Variants in GOLIM4 observed in about 807,000 individuals in gnomAD.
The protein encoded by GOLIM4 is golgi integral membrane protein 4.
A neutral mutation model predicts 107.4 loss-of-function variants in GOLIM4; 71 were observed. The observed-to-expected ratio is 0.66, with a 90% confidence interval of 0.55 to 0.81. The LOEUF is 0.81. Ranked by LOEUF, GOLIM4 falls within the 30% of genes least tolerant of loss-of-function variation. The pLI is 0.00. For synonymous variants in GOLIM4, 327 were observed against 294.8 expected (o/e 1.11, Z -1.12); for missense variants, 830 against 826.1 (o/e 1.00, Z -0.06).
chr3:168,079,662 T>A (rs1252476552), intron 1 of GOLIM4, among the ~76,000 whole-genome samples: 1 of 152,186 alleles, frequency 6.6e-6, no homozygotes, highest in Non-Finnish European at 1.5e-5. Context: ...AGGGTTTTAA[T>A]CTTTTTATCT....
At chr3:168,032,468 A>T in intron 9 of GOLIM4, 52 bp downstream of exon 9, 1 of 1,292,364 alleles carries the variant, frequency 7.7e-7, no homozygotes, top group Non-Finnish European at 1.1e-6. Flanking sequence ...TGTAAAAATA[A>T]AGCCAGGTTT....
intron 9 of GOLIM4, among the ~76,000 whole-genome samples, chr3:168,031,600 G>A (rs2108229984): frequency 6.6e-6 from 1 of 152,320 alleles, no homozygotes; most frequent in East Asian, 1.9e-4. Flanking sequence ...AGTAAAGCTG[G>A]TGGGGAATTA....
intron 1 of GOLIM4, among the ~76,000 whole-genome samples, chr3:168,057,866 T>C (rs898883337): frequency 2.6e-5 from 4 of 152,190 alleles, no homozygotes; most frequent in Admixed American, 2.0e-4. Flanking sequence ...TGTTCAATGA[T>C]TGAATGCACT....
At chr3:168,071,231 A>G (rs1186521278) in intron 1 of GOLIM4, among the ~76,000 whole-genome samples, 2 of 152,176 alleles carry the variant, frequency 1.3e-5, no homozygotes, top group African/African-American at 2.4e-5. Flanking sequence ...GAGTCAACAG[A>G]TTTGCATTCA....
At chr3:168,060,358 A>G (rs1720194381) in intron 1 of GOLIM4, among the ~76,000 whole-genome samples, 1 of 152,228 alleles carries the variant, frequency 6.6e-6, no homozygotes. Context: ...TAATGGAAGA[A>G]GAGGACCAGT....
chr3:168,038,496 T>A (rs137914962), intron 7 of GOLIM4, among the ~76,000 whole-genome samples: 128 of 152,292 alleles, frequency 8.4e-4, no homozygotes, highest in African/African-American at 3.0e-3. Flanking sequence ...TAAGCGTGAT[T>A]TCAAAGTCAG....
chr3:168,095,413 A>C lies in GOLIM4; in HGVS notation c.-128T>G. ...CATGAGGAGGAGATGCCAGACACAA[A>C]AGCCGGCCCGGAGGGGAAGTGGCGC... On this transcript the variant is annotated 5_prime_UTR_variant, in exon 1 of 16. Coordinates refer to ENST00000470487, the MANE Select transcript of GOLIM4 (RefSeq NM_014498.5). 34 of 715,440 alleles carry C rather than the reference A, an allele frequency of 4.8e-5. No individual in the cohort carries two copies. Among genetic ancestry groups the C allele is most frequent in the Middle Eastern group, 4.0e-4 (1 of 2,514 alleles). The allele number at this position is 715,440 out of a possible 1,614,324, so 44.3% of individuals were successfully genotyped here.
intron 12 of GOLIM4, among the ~76,000 whole-genome samples, chr3:168,026,923 G>A (rs775029198): frequency 2.6e-5 from 4 of 152,172 alleles, no homozygotes; most frequent in Non-Finnish European, 5.9e-5. Context: ...TTTTAATCAG[G>A]GCTCATGTGA....
intron 7 of GOLIM4, among the ~76,000 whole-genome samples, chr3:168,039,725 T>C (rs765755218): frequency 9.8e-4 from 150 of 152,346 alleles, no homozygotes; most frequent in Middle Eastern, 3.4e-3. Flanking sequence ...CACAGAGCAC[T>C]CAAATCAGTT....
At chr3:168,063,113 C>T (rs1720356398) in intron 1 of GOLIM4, among the ~76,000 whole-genome samples, 1 of 152,162 alleles carries the variant, frequency 6.6e-6, no homozygotes, top group African/African-American at 2.4e-5. Flanking sequence ...CCCCTGCCCA[C>T]CCACCACTGC....
chr3:168,072,689 T>C (rs1483125153), intron 1 of GOLIM4, among the ~76,000 whole-genome samples: 1 of 152,218 alleles, frequency 6.6e-6, no homozygotes, highest in Non-Finnish European at 1.5e-5. Context: ...TTTTTATATA[T>C]AATTTTATCC....
intron 14 of GOLIM4, among the ~76,000 whole-genome samples, chr3:168,015,278 C>T (rs992451805): frequency 1.4e-5 from 2 of 143,936 alleles, no homozygotes; most frequent in African/African-American, 5.7e-5. Context: ...CATGAGTGAA[C>T]TCCCATTCAC....
rs373465776 is a variant in GOLIM4 at position 168,010,242 on chromosome 3, T to G, written c.*27A>C. On this transcript the variant is annotated 3_prime_UTR_variant, in exon 16 of 16. Coordinates refer to ENST00000470487, the MANE Select transcript of GOLIM4 (RefSeq NM_014498.5). ...AGCAGCTTGAAAAGAATCCGTTGGC[T>G]GAGCGTTGTCTAGAAATTGGGTGCC... 3 of 1,601,168 alleles carry G rather than the reference T, an allele frequency of 1.9e-6. No homozygotes were observed. The Admixed American group carries it at 5.2e-5, about 28-fold the overall frequency.
intron 1 of GOLIM4, among the ~76,000 whole-genome samples, chr3:168,055,801 CAA>C (rs35124035): frequency 7.7e-5 from 8 of 104,014 alleles, no homozygotes; most frequent in East Asian, 4.0e-4. Context: ...GACTCTGTCT[CAA>C]AAAAAAAAAA....
At chr3:168,080,010 A>G (rs2108287618) in intron 1 of GOLIM4, among the ~76,000 whole-genome samples, 1 of 152,308 alleles carries the variant, frequency 6.6e-6, no homozygotes, top group South Asian at 2.1e-4. Flanking sequence ...CATGATGCTA[A>G]ATTTTCCTTT....
In GOLIM4 at chr3:168,044,982, G is replaced by A. The variant is rs541938932; in HGVS notation, c.313-101C>T. The A allele has an allele frequency of 6.3e-6, 4 of 638,518 alleles. No homozygotes were observed. In the East Asian group the frequency reaches 9.0e-5, roughly 14 times the overall value. The allele number at this position is 638,518 out of a possible 1,614,324, so 39.6% of individuals were successfully genotyped here. On this transcript the variant is annotated intron_variant, in intron 3 of 15. Coordinates refer to ENST00000470487, the MANE Select transcript of GOLIM4 (RefSeq NM_014498.5). ...AAATATAACTTTATTTATTTCACTT[G>A]TGTACAGTAAAATGAATTCTACATT... is the stretch of plus-strand genomic sequence containing the variant.
chr3:168,089,200 C>T (rs1721774899), intron 1 of GOLIM4, among the ~76,000 whole-genome samples: 1 of 152,196 alleles, frequency 6.6e-6, no homozygotes. Context: ...GTTCCATATT[C>T]TAAATGGTAC....
intron 8 of GOLIM4, among the ~76,000 whole-genome samples, chr3:168,035,900 C>T (rs1437418550): frequency 6.6e-6 from 1 of 150,726 alleles, no homozygotes; most frequent in Non-Finnish European, 1.5e-5. Flanking sequence ...GTAACTACTT[C>T]TGATGTCTCA....
intron 7 of GOLIM4, among the ~76,000 whole-genome samples, 183 bp downstream of exon 7, chr3:168,040,603 A>G (rs1265986499): frequency 6.6e-6 from 1 of 152,256 alleles, no homozygotes; most frequent in Non-Finnish European, 1.5e-5. Flanking sequence ...AGTGCAAAAA[A>G]TAATCAAAAG....
Sources: allele counts gnomAD v4.1 joint callset (sites outside exome capture counted in the v4.1 genomes callset), GRCh38; gene constraint gnomAD v4.1.1; transcripts MANE v1.5; gene names NCBI Gene and HGNC (gene_info 2026-07-23, HGNC 2026-07-21).